The following SOX5 variants were observed in gnomAD, a reference collection of about 807,000 sequenced individuals.
The protein encoded by SOX5 is SRY-box transcription factor 5, also known as transcription factor SOX-5.
Under a neutral mutation model 92.0 loss-of-function variants are expected in SOX5, and 9 were observed. The ratio of observed to expected loss-of-function variants is 0.10; its 90% CI spans 0.06 to 0.17. The LOEUF is 0.17. Among genes scored for constraint, SOX5 ranks in the 10% least tolerant of loss-of-function variants. SOX5 has a pLI of 1.00. For missense variants in SOX5, 642 were observed against 944.5 expected, an observed-to-expected ratio of 0.68 and a Z score of 4.20; for synonymous variants, 344 against 336.3, an observed-to-expected ratio of 1.02 and a Z score of -0.25.
chr12:23,862,827 G>A (rs1456075119), intron 2 of SOX5, among the ~76,000 whole-genome samples: 1 of 152,154 alleles, frequency 6.6e-6, no homozygotes, highest in African/African-American at 2.4e-5. Context: ...TGTGGCATAT[G>A]TTTGTATTTT....
chr12:24,252,033 G>A (rs1483779590), intron 3 of SOX5, among the ~76,000 whole-genome samples: 1 of 151,404 alleles, frequency 6.6e-6, no homozygotes, highest in African/African-American at 2.4e-5. Flanking sequence ...TTTTCATTCT[G>A]CAAATCTTAA....
chr12:23,971,317 T>G (rs1026857151), intron 4 of SOX5, among the ~76,000 whole-genome samples: 1 of 151,306 alleles, frequency 6.6e-6, no homozygotes. Flanking sequence ...AGAGACGGGA[T>G]TTTACCGTGT....
intron 1 of SOX5, among the ~76,000 whole-genome samples, chr12:24,370,434 G>A (rs181211649): frequency 1.1e-3 from 146 of 130,020 alleles, no homozygotes; most frequent in Non-Finnish European, 1.4e-3. Context: ...CTGAGACTGC[G>A]CCACCGCACT....
chr12:24,144,795 A>T (rs1186673026), intron 4 of SOX5, among the ~76,000 whole-genome samples: 2 of 152,094 alleles, frequency 1.3e-5, no homozygotes, highest in African/African-American at 4.8e-5. Context: ...TGCCACTGCA[A>T]TCCAGCTTGG....
chr12:24,200,053 C>T (rs985551840), intron 4 of SOX5, among the ~76,000 whole-genome samples: 1 of 152,220 alleles, frequency 6.6e-6, no homozygotes, highest in Admixed American at 6.5e-5. Context: ...AATGAACCCA[C>T]TCCTTCCACA....
At chr12:23,790,548 TCACACACACACACACACA>T (rs941547453) in intron 3 of SOX5, among the ~76,000 whole-genome samples, 7 of 137,322 alleles carry the variant, frequency 5.1e-5, no homozygotes, top group Non-Finnish European at 1.1e-4. Context: ...TCTCAATCTC[TCACACACACACACACACA>T]CACACACACA....
chr12:24,548,977 C>G (rs1952903792), intron 1 of SOX5, among the ~76,000 whole-genome samples: 1 of 152,190 alleles, frequency 6.6e-6, no homozygotes, highest in Admixed American at 6.5e-5. Context: ...AACCTCATCT[C>G]CATCTATTTC....
At chr12:23,635,202 G>A (rs553352091) in intron 8 of SOX5, among the ~76,000 whole-genome samples, 23 of 152,222 alleles carry the variant, frequency 1.5e-4, no homozygotes, top group Middle Eastern at 3.4e-3. Flanking sequence ...AGTGGGATTC[G>A]ATTAGTAAAG....
At chr12:23,988,622 C>T (rs73283691) in intron 4 of SOX5, among the ~76,000 whole-genome samples, 325 of 152,144 alleles carry the variant, frequency 2.1e-3, no homozygotes, top group African/African-American at 7.5e-3. Context: ...TTATTTCCAT[C>T]GGAAGTGCTA....
chr12:24,466,447 TC>T (rs1188454891), intron 1 of SOX5, among the ~76,000 whole-genome samples: 1 of 152,146 alleles, frequency 6.6e-6, no homozygotes, highest in African/African-American at 2.4e-5. Flanking sequence ...GAACTACCCT[TC>T]CCACTTGAAA....
chr12:24,140,126 T>G (rs1054336099), intron 4 of SOX5, among the ~76,000 whole-genome samples: 10 of 152,212 alleles, frequency 6.6e-5, no homozygotes, highest in African/African-American at 2.2e-4. Context: ...ACTACTTAAG[T>G]GTTTTTCAAA....
At chr12:23,779,955 CTGTGTGTGTGTGTGTGTGTGTG>C (rs10686652) in intron 3 of SOX5, among the ~76,000 whole-genome samples, 1 of 136,568 alleles carries the variant, frequency 7.3e-6, no homozygotes, top group Non-Finnish European at 1.6e-5. Context: ...CACAGCGAGA[CTGTGTGTGTGTGTGTGTGTGTG>C]TGTGTGTGTG....
At chr12:24,431,026 GC>G (rs1304363958) in intron 1 of SOX5, among the ~76,000 whole-genome samples, 3 of 152,108 alleles carry the variant, frequency 2.0e-5, no homozygotes, top group African/African-American at 7.2e-5. Context: ...GTCAAAATAT[GC>G]CCCCCTTCCC....
At chr12:24,157,662 A>G (rs1354623818) in intron 4 of SOX5, among the ~76,000 whole-genome samples, 1 of 152,078 alleles carries the variant, frequency 6.6e-6, no homozygotes, top group Non-Finnish European at 1.5e-5. Flanking sequence ...CTATTAGACA[A>G]CCTGTCCTAA....
intron 3 of SOX5, among the ~76,000 whole-genome samples, chr12:23,822,336 T>C (rs551336065): frequency 2.0e-5 from 3 of 152,344 alleles, no homozygotes; most frequent in African/African-American, 7.2e-5. Flanking sequence ...TTAGTTCTCA[T>C]TGGTTTCAAA....
At chr12:23,905,221 A>G (rs2097279293) in intron 1 of SOX5, among the ~76,000 whole-genome samples, 1 of 152,198 alleles carries the variant, frequency 6.6e-6, no homozygotes, top group Non-Finnish European at 1.5e-5. Context: ...ATCCTTTTCT[A>G]AACAGGGAGA....
At chr12:23,846,513 T>C (rs960947879) in intron 2 of SOX5, among the ~76,000 whole-genome samples, 2 of 152,208 alleles carry the variant, frequency 1.3e-5, no homozygotes, top group African/African-American at 4.8e-5. Context: ...AATGACAATA[T>C]AGTCCTATAC....
At chr12:24,507,420 A>G (rs1346858606) in intron 1 of SOX5, among the ~76,000 whole-genome samples, 3 of 151,888 alleles carry the variant, frequency 2.0e-5, no homozygotes, top group Non-Finnish European at 2.9e-5. Flanking sequence ...CACCACAAGG[A>G]GACAAATACA....
intron 2 of SOX5, among the ~76,000 whole-genome samples, chr12:24,335,759 A>G (rs1951809570): frequency 6.6e-6 from 1 of 151,894 alleles, no homozygotes; most frequent in Non-Finnish European, 1.5e-5. Context: ...GAAAAGTTAA[A>G]TTATGATCTT....
Sources: gnomAD v4.1 joint callset for allele counts (sites outside exome capture counted in the v4.1 genomes callset) on GRCh38, gnomAD v4.1.1 for gene constraint, MANE v1.5 for transcripts, NCBI Gene and HGNC (gene_info 2026-07-23, HGNC 2026-07-21) for gene names.